Variants in ANO2 observed in about 807,000 individuals in gnomAD.
The protein encoded by ANO2 is anoctamin-2.
Under a neutral mutation model 124.2 loss-of-function variants are expected in ANO2, and 101 were observed. The observed-to-expected ratio is 0.81, with a 90% CI of 0.69 to 0.96. The LOEUF is 0.96. Among genes scored for constraint, ANO2 ranks in the 40% least tolerant of loss-of-function variants. ANO2 has a pLI of 0.00. For missense variants in ANO2, 1,293 were observed against 1,274.5 expected (o/e 1.01, Z -0.22); for synonymous variants, 486 against 482.5 (o/e 1.01, Z -0.09).
chr12:5,807,549 G>C (rs73050204), intron 7 of ANO2, among the ~76,000 whole-genome samples, 181 bp from the exon 8 acceptor site: 1 of 152,220 alleles, frequency 6.6e-6, no homozygotes, highest in Non-Finnish European at 1.5e-5. Context: ...GAACAATATT[G>C]TTTCATTCTC....
chr12:5,678,031 G>A (rs1948329612), intron 14 of ANO2, among the ~76,000 whole-genome samples: 1 of 152,130 alleles, frequency 6.6e-6, no homozygotes, highest in African/African-American at 2.4e-5. Context: ...AGGGAAGAGT[G>A]AGAATGAGGG....
Position 5,925,880 on chromosome 12 carries a change from C to T in ANO2, c.23-3076G>A, listed in dbSNP as rs1942057671. On this transcript the variant is annotated intron_variant, in intron 1 of 24. Coordinates refer to ENST00000682330, the MANE Select transcript of ANO2 (RefSeq NM_001364791.2). The surrounding 1 kb of genome is among the most constrained non-coding windows in gnomAD (Gnocchi z 4.6). Reference sequence around the variant, plus strand: ...CCTTTCTCCACGTTCCAGCTCTCTCCCTGGGCACTCTCATCCACTCCAGAG... The same window carrying T: ...CCTTTCTCCACGTTCCAGCTCTCTCTCTGGGCACTCTCATCCACTCCAGAG... Among the ~76,000 whole-genome samples the T allele has an allele frequency of 6.6e-6, 1 of 152,196 alleles. No homozygotes were observed. The highest frequency in any genetic ancestry group is 2.4e-5 in the African/African-American group (1 of 41,438).
intron 14 of ANO2, among the ~76,000 whole-genome samples, chr12:5,675,059 C>T (rs778608934): frequency 2.6e-5 from 4 of 152,092 alleles, no homozygotes; most frequent in Non-Finnish European, 4.4e-5. Flanking sequence ...GTTCCCCAAA[C>T]CTACAACAGT....
At chr12:5,642,698 A>G (rs1053058227) in intron 15 of ANO2, among the ~76,000 whole-genome samples, 8 of 152,188 alleles carry the variant, frequency 5.3e-5, no homozygotes, top group African/African-American at 1.9e-4. Flanking sequence ...AGGTGTTCTC[A>G]TCTCACATAG....
intron 16 of ANO2, among the ~76,000 whole-genome samples, chr12:5,631,785 TG>T (rs1945732163): frequency 6.6e-6 from 1 of 151,936 alleles, no homozygotes; most frequent in South Asian, 2.1e-4. Context: ...ATGAGCTGAG[TG>T]GGTCAGTTGG....
chr12:5,641,081 G>A lies in ANO2; in HGVS notation c.1621-5734C>T, dbSNP rs111287872. Among the ~76,000 whole-genome samples the A allele has an allele frequency of 5.7e-3, 862 of 152,230 alleles. 8 individuals are homozygous for A. Among genetic ancestry groups the A allele is most frequent in the African/African-American group, 0.019 (768 of 41,506 alleles). ...GAGTTCATGTTCTTTGCAGGGACAC[G>A]GATGCAGCTGGAAACCATCATTCTG... On this transcript the variant is annotated intron_variant, in intron 15 of 24. Coordinates refer to ENST00000682330, the MANE Select transcript of ANO2 (RefSeq NM_001364791.2).
At chr12:5,877,109 G>A (rs1938157925) in intron 3 of ANO2, among the ~76,000 whole-genome samples, 1 of 152,160 alleles carries the variant, frequency 6.6e-6, no homozygotes, top group Non-Finnish European at 1.5e-5. Context: ...CTCATAATGT[G>A]ACCTTATTTA....
At chr12:5,785,195 G>C (rs1952506350) in intron 10 of ANO2, among the ~76,000 whole-genome samples, 2 of 152,292 alleles carry the variant, frequency 1.3e-5, no homozygotes, top group Non-Finnish European at 2.9e-5. Context: ...GAGTAGCTGG[G>C]ATGGATTGGT....
intron 14 of ANO2, among the ~76,000 whole-genome samples, chr12:5,702,323 T>C (rs1358150924): frequency 6.6e-6 from 1 of 152,036 alleles, no homozygotes; most frequent in Non-Finnish European, 1.5e-5. Flanking sequence ...TAAATTCCAT[T>C]AAAAAAATCA....
At chr12:5,894,257 TC>T (rs1209284132) in intron 3 of ANO2, among the ~76,000 whole-genome samples, 1 of 152,242 alleles carries the variant, frequency 6.6e-6, no homozygotes, top group Non-Finnish European at 1.5e-5. Flanking sequence ...GAGTTTTTTT[TC>T]ATCTGTTTGT....
chr12:5,850,365 GA>G, intron 4 of ANO2, among the ~76,000 whole-genome samples: 1 of 146,654 alleles, frequency 6.8e-6, no homozygotes, highest in East Asian at 2.0e-4. Flanking sequence ...GCAGTGAGCC[GA>G]GATTGCACCA....
At chr12:5,745,717 T>C (rs1047914107) in intron 11 of ANO2, among the ~76,000 whole-genome samples, 1 of 152,118 alleles carries the variant, frequency 6.6e-6, no homozygotes, top group African/African-American at 2.4e-5. Flanking sequence ...AGAATGGAAA[T>C]TGTCGGTCCC....
intron 12 of ANO2, 26 bp downstream of exon 12, chr12:5,744,131 A>T: frequency 6.2e-7 from 1 of 1,613,000 alleles, no homozygotes; most frequent in South Asian, 1.1e-5. Flanking sequence ...CCACCCATAT[A>T]AGCAAGCCTG....
intron 14 of ANO2, among the ~76,000 whole-genome samples, chr12:5,649,500 A>G (rs934122555): frequency 4.6e-5 from 7 of 152,206 alleles, no homozygotes; most frequent in African/African-American, 1.4e-4. Flanking sequence ...AGACTCATTC[A>G]TATTCTTCCA....
intron 5 of ANO2, among the ~76,000 whole-genome samples, chr12:5,831,090 A>G (rs1436016181): frequency 2.0e-5 from 3 of 152,198 alleles, no homozygotes; most frequent in Non-Finnish European, 4.4e-5. Context: ...CTGAGCTTTC[A>G]CTCAGAAAAT....
chr12:5,887,095 T>G (rs891683533), intron 3 of ANO2, among the ~76,000 whole-genome samples: 2 of 152,234 alleles, frequency 1.3e-5, no homozygotes, highest in East Asian at 1.9e-4. Context: ...ATTTATGTAA[T>G]GTACATTTAA....
chr12:5,822,027 A>G (rs904235436), intron 7 of ANO2, among the ~76,000 whole-genome samples: 1 of 152,176 alleles, frequency 6.6e-6, no homozygotes, highest in African/African-American at 2.4e-5. Context: ...GGGTCTGCAC[A>G]ATACGCAGGC....
At chr12:5,914,080 A>C (rs375137784) in intron 3 of ANO2, among the ~76,000 whole-genome samples, 1 of 152,214 alleles carries the variant, frequency 6.6e-6, no homozygotes, top group Non-Finnish European at 1.5e-5. Context: ...TGCACCTGTA[A>C]TCCCAGCTAC....
intron 19 of ANO2, among the ~76,000 whole-genome samples, chr12:5,609,869 G>GTA (rs10677018): frequency 0.18 from 26,227 of 144,304 alleles, 2,568 homozygotes; most frequent in Non-Finnish European, 0.23. Flanking sequence ...TTTAGAAAAT[G>GTA]TATATATATA....
Sources: allele counts gnomAD v4.1 joint callset (sites outside exome capture counted in the v4.1 genomes callset), GRCh38; gene constraint gnomAD v4.1.1; non-coding constraint Gnocchi (gnomAD v3.1); transcripts MANE v1.5; gene names NCBI Gene and HGNC (gene_info 2026-07-23, HGNC 2026-07-21).